The following PSMD13 variants were observed in gnomAD, a reference collection of about 807,000 sequenced individuals.
The protein encoded by PSMD13 is proteasome 26S subunit, non-ATPase 13, also known as 26S proteasome non-ATPase regulatory subunit 13.
A neutral mutation model predicts 57.4 loss-of-function variants in PSMD13; 8 were observed. The observed-to-expected ratio is 0.14, with a 90% CI of 0.08 to 0.25. The LOEUF (loss-of-function observed/expected upper bound fraction) is 0.25, where lower values mean the gene tolerates loss of function less well. Among genes scored for constraint, PSMD13 ranks in the 10% least tolerant of loss-of-function variants. The pLI is 1.00. For missense variants in PSMD13, 400 were observed against 461.5 expected, an observed-to-expected ratio of 0.87 and a Z score of 1.22; for synonymous variants, 193 against 168.2, an observed-to-expected ratio of 1.15 and a Z score of -1.14.
Position 251,736 on chromosome 11 carries a change from C to A in PSMD13, c.919-84C>A. Reference sequence around the variant, plus strand: ...AGACAGTAAAAAATGACGGGAGGAGCGGCATCTGCTTCTCACAAGCCATCT... The same window carrying A: ...AGACAGTAAAAAATGACGGGAGGAGAGGCATCTGCTTCTCACAAGCCATCT... On this transcript the variant is annotated intron_variant, in intron 11 of 12. Coordinates refer to ENST00000532097, the MANE Select transcript of PSMD13 (RefSeq NM_002817.4). This position sits in a 1 kb window ranked among gnomAD's most constrained non-coding sequence, Gnocchi z 4.6. 6.6e-7 allele frequency: 1 copy of A among 1,524,722 alleles called. No homozygotes were observed. Among genetic ancestry groups the A allele is most frequent in the East Asian group, 2.3e-5 (1 of 44,212 alleles). The allele number at this position is 1,524,722 out of a possible 1,614,324, so 94.4% of individuals were successfully genotyped here. A position where few individuals can be genotyped will look rare whatever the true frequency, so the allele number is the denominator to read the frequency against.
chr11:247,373 A>G lies in PSMD13; in HGVS notation c.493A>G (p.Thr165Ala), dbSNP rs776556789. 7 of 1,614,184 alleles carry G rather than the reference A, an allele frequency of 4.3e-6. No individual in the cohort carries two copies. In the Admixed American group the frequency reaches 5.0e-5, roughly 12 times the overall value. ...TGATCTCTCCAGTAAATACTATCAAACAATCGGAAACCACGCGTCCTACTA... is the reference window on the plus strand; with the variant it reads ...TGATCTCTCCAGTAAATACTATCAAGCAATCGGAAACCACGCGTCCTACTA... The part of the protein sequence containing the change: ...FYDLSSKYYQ[T>A]IGNHASYYKD... The change falls in exon 7 of 13, where the codon ACA (threonine) becomes GCA (alanine). Residue 165 changes from threonine to alanine, a missense_variant. By Grantham distance (58) the Thr-to-Ala change is moderately conservative. Coordinates refer to ENST00000532097, the MANE Select transcript of PSMD13 (RefSeq NM_002817.4).
At chr11:247,972 C>A (rs3020900) in intron 7 of PSMD13, 24,431 of 153,052 alleles carry the variant, frequency 0.16, 2,506 homozygotes, top group Non-Finnish European at 0.22. Context: ...AATTCCTCCT[C>A]GCTCCTTCAC....
intron 2 of PSMD13, chr11:242,963 T>G: frequency 9.7e-6 from 2 of 206,482 alleles, no homozygotes; most frequent in Non-Finnish European, 2.1e-5. Context: ...GCCCAGCTGA[T>G]TTTTGTATTT....
chr11:246,191 T>G (rs1859644068), intron 6 of PSMD13, among the ~76,000 whole-genome samples: 3 of 152,182 alleles, frequency 2.0e-5, no homozygotes, highest in Admixed American at 2.0e-4. Context: ...TTTCACAACA[T>G]ATGTATCCAG....
In PSMD13 at chr11:236,976, GA is replaced by G; in HGVS notation, c.-73del. ...GCGCCGCTCGGCGCCGGAAGTGAGT[GA>G]GCATTTCCGGCAGCCATCCCCGCGG... On this transcript the variant is annotated 5_prime_UTR_variant, in exon 1 of 13. Transcript: ENST00000532097. 1 of 1,312,680 alleles carries G rather than the reference GA, an allele frequency of 7.6e-7. No homozygotes were observed. The highest frequency in any genetic ancestry group is 1.1e-6 in the Non-Finnish European group (1 of 919,298). 81.3% of individuals were successfully genotyped at this position (1,312,680 alleles called of 1,614,324 possible). A position where few individuals can be genotyped will look rare whatever the true frequency, so the allele number is the denominator to read the frequency against.
In PSMD13 at chr11:252,073, C is replaced by A; in HGVS notation, c.1035+137C>A. ...AGAGGTTTTGGAGAAGGAAATACTG[C>A]TGTTGGGTTTTTCTAAGAGCCTAAT... On this transcript the variant is annotated intron_variant, in intron 12 of 12. Coordinates refer to ENST00000532097, the MANE Select transcript of PSMD13 (RefSeq NM_002817.4). This position sits in a 1 kb window ranked among gnomAD's most constrained non-coding sequence, Gnocchi z 4.1. The A allele has an allele frequency of 1.2e-6, 1 of 813,152 alleles. No individual in the cohort carries two copies. The highest frequency in any genetic ancestry group is 2.0e-6 in the Non-Finnish European group (1 of 500,078). The allele number at this position is 813,152 out of a possible 1,614,324, so 50.4% of individuals were successfully genotyped here. A position where few individuals can be genotyped will look rare whatever the true frequency, so the allele number is the denominator to read the frequency against.
In PSMD13 at chr11:238,867, G is replaced by C; in HGVS notation, c.96-131G>C. The C allele has an allele frequency of 4.5e-6, 4 of 891,968 alleles. No individual in the cohort carries two copies. In the South Asian group the frequency reaches 5.6e-5, roughly 12 times the overall value. 55.3% of individuals were successfully genotyped at this position (891,968 alleles called of 1,614,324 possible). On this transcript the variant is annotated intron_variant, in intron 1 of 12. Transcript: ENST00000532097. ...AAAGTTTTGGATTTTGGAGCATTTT[G>C]AATTTTGGAGTTTTGGAGTTTTGGA...
At chr11:245,732 G>C (rs551212437) in intron 6 of PSMD13, among the ~76,000 whole-genome samples, 1 of 143,428 alleles carries the variant, frequency 7.0e-6, no homozygotes, top group Non-Finnish European at 1.5e-5. Flanking sequence ...GTGTTTGTGT[G>C]TGTGTGTGTT....
At chr11:239,867 T>C (rs1859477052) in intron 2 of PSMD13, among the ~76,000 whole-genome samples, 1 of 152,106 alleles carries the variant, frequency 6.6e-6, no homozygotes, top group Non-Finnish European at 1.5e-5. Context: ...TTGCAACTGA[T>C]AGCTTATAAT....
chr11:241,427 A>G (rs1347013441), intron 2 of PSMD13, among the ~76,000 whole-genome samples: 1 of 152,188 alleles, frequency 6.6e-6, no homozygotes, highest in Admixed American at 6.5e-5. Context: ...CGTGAGCCAC[A>G]GCACCGGGAC....
chr11:244,898 A>G (rs1287310009), intron 6 of PSMD13, 137 bp downstream of exon 6: 21 of 668,262 alleles, frequency 3.1e-5, no homozygotes, highest in Non-Finnish European at 4.9e-5. Flanking sequence ...AAATAACACA[A>G]AGAACTACTA....
intron 7 of PSMD13, chr11:248,523 T>C (rs1590253025): frequency 2.0e-6 from 1 of 496,712 alleles, no homozygotes; most frequent in South Asian, 2.5e-5. Flanking sequence ...GTGGCACAGC[T>C]GAAAATATGA....
chr11:251,985 G>T lies in PSMD13; in HGVS notation c.1035+49G>T. The T allele has an allele frequency of 1.3e-6, 2 of 1,528,390 alleles. No individual in the cohort carries two copies. The allele number at this position is 1,528,390 out of a possible 1,614,324, so 94.7% of individuals were successfully genotyped here. A position where few individuals can be genotyped will look rare whatever the true frequency, so the allele number is the denominator to read the frequency against. On this transcript the variant is annotated intron_variant, in intron 12 of 12. Coordinates refer to ENST00000532097, the MANE Select transcript of PSMD13 (RefSeq NM_002817.4). This position sits in a 1 kb window ranked among gnomAD's most constrained non-coding sequence, Gnocchi z 4.6. ...TCACCTCTGTGGATTTTGAGGGGTT[G>T]TGTCTATACCGTCTTAGTTTCATTT...
intron 1 of PSMD13, among the ~76,000 whole-genome samples, chr11:238,359 AC>A (rs763121803): frequency 1.8e-4 from 28 of 152,330 alleles, no homozygotes; most frequent in Admixed American, 3.3e-4. Flanking sequence ...ACCTGGGAAA[AC>A]TGAGTCTTAG....
intron 2 of PSMD13, among the ~76,000 whole-genome samples, chr11:240,654 G>T (rs1335232299): frequency 6.6e-6 from 1 of 152,168 alleles, no homozygotes; most frequent in Admixed American, 6.5e-5. Flanking sequence ...GTGTAAAATG[G>T]ATAGTATTTT....
At chr11:243,779 C>G (rs1448793118) in intron 2 of PSMD13, among the ~76,000 whole-genome samples, 1 of 152,176 alleles carries the variant, frequency 6.6e-6, no homozygotes, top group Non-Finnish European at 1.5e-5. Flanking sequence ...TCTTATAGGT[C>G]AGTACTCTAA....
At chr11:248,891 G>A (rs1859710725) in intron 8 of PSMD13, 36 bp downstream of exon 8, 2 of 1,614,052 alleles carry the variant, frequency 1.2e-6, no homozygotes, top group Admixed American at 3.3e-5. Context: ...CTTAACGAGA[G>A]AGACTAAAGT....
At chr11:237,280 C>G in intron 1 of PSMD13, 136 bp downstream of exon 1, 1 of 773,610 alleles carries the variant, frequency 1.3e-6, no homozygotes, top group South Asian at 1.9e-5. Flanking sequence ...GTGTAGCGAC[C>G]GGCTGTGCCG....
intron 6 of PSMD13, among the ~76,000 whole-genome samples, chr11:246,827 C>A (rs1859657577): frequency 2.0e-5 from 3 of 152,152 alleles, no homozygotes; most frequent in Non-Finnish European, 4.4e-5. Context: ...CTGTTTGTGT[C>A]CCCAAATTTG....
Sources: allele counts gnomAD v4.1 joint callset (sites outside exome capture counted in the v4.1 genomes callset), GRCh38; gene constraint gnomAD v4.1.1; non-coding constraint Gnocchi (gnomAD v3.1); transcripts MANE v1.5; gene names NCBI Gene and HGNC (gene_info 2026-07-23, HGNC 2026-07-21).